The following VPS13D variants were observed in gnomAD, a reference collection of about 807,000 sequenced individuals.
VPS13D encodes vacuolar protein sorting 13 homolog D, also known as intermembrane lipid transfer protein VPS13D.
Under a neutral mutation model 461.9 loss-of-function variants are expected in VPS13D, and 187 were observed. The ratio of observed to expected loss-of-function variants is 0.40; its 90% CI spans 0.36 to 0.46. The LOEUF is 0.46. Ranked by LOEUF, VPS13D falls within the 20% of genes least tolerant of loss-of-function variation. The pLI is 0.60. For synonymous variants in VPS13D, 1,951 were observed against 1,986.3 expected, an observed-to-expected ratio of 0.98 and a Z score of 0.47; for missense variants, 4,711 against 5,364.9, an observed-to-expected ratio of 0.88 and a Z score of 3.81.
intron 60 of VPS13D, among the ~76,000 whole-genome samples, chr1:12,396,816 T>C (rs1434278205): frequency 1.3e-5 from 2 of 152,252 alleles, no homozygotes; most frequent in East Asian, 3.8e-4. Context: ...GTTAATATCT[T>C]GCAGCTATTT....
At chr1:12,234,678 G>A (rs2101174350) in intron 2 of VPS13D, among the ~76,000 whole-genome samples, 1 of 152,292 alleles carries the variant, frequency 6.6e-6, no homozygotes, top group South Asian at 2.1e-4. Context: ...TACCGACAGT[G>A]GCATTGACTT....
intron 65 of VPS13D, among the ~76,000 whole-genome samples, chr1:12,438,506 A>G (rs139548047): frequency 2.0e-5 from 3 of 152,348 alleles, no homozygotes; most frequent in Admixed American, 1.3e-4. Context: ...GAGACAGCAC[A>G]TAACACAGAA....
chr1:12,300,931 C>T (rs1289698898), intron 25 of VPS13D, among the ~76,000 whole-genome samples: 4 of 152,124 alleles, frequency 2.6e-5, no homozygotes, highest in Non-Finnish European at 5.9e-5. Context: ...CTTGCAAACT[C>T]GTTTTAGTGT....
chr1:12,485,299 A>G (rs944086641), intron 67 of VPS13D, among the ~76,000 whole-genome samples: 1 of 152,220 alleles, frequency 6.6e-6, no homozygotes, highest in Non-Finnish European at 1.5e-5. Flanking sequence ...GCAGTGACCC[A>G]CCAGCTTGCA....
intron 29 of VPS13D, among the ~76,000 whole-genome samples, chr1:12,312,274 C>T (rs60084055): frequency 1.3e-5 from 2 of 152,044 alleles, no homozygotes; most frequent in Non-Finnish European, 2.9e-5. Context: ...GATGTGCCAG[C>T]GGGAAAAATG....
Position 12,293,669 on chromosome 1 carries a change from T to C in VPS13D, c.5998T>C (p.Leu2000=). The stretch of plus-strand genomic sequence containing the variant: ...GCATTTCACTCAGCTGCAGGATGTC[T>C]TAGGGCGCCAGCGAGCTGCTATTGA... ...IQHFTQLQDV[L]GRQRAAIEGQ... is the part of the protein sequence containing the mutation. The change falls in exon 24 of 70, where the codon TTA becomes CTA. Residue 2000 remains leucine, a synonymous_variant. Transcript: ENST00000620676. 6.8e-6 allele frequency: 11 copies of C among 1,614,112 alleles called. No homozygotes were observed. Among genetic ancestry groups the C allele is most frequent in the Non-Finnish European group, 9.3e-6 (11 of 1,180,000 alleles).
At chr1:12,332,484 G>C (rs1643356310) in intron 37 of VPS13D, among the ~76,000 whole-genome samples, 2 of 152,114 alleles carry the variant, frequency 1.3e-5, no homozygotes, top group South Asian at 4.2e-4. Flanking sequence ...ATGCGCATGG[G>C]GATTCCATTT....
chr1:12,395,528 ACT>A (rs1644483641), intron 60 of VPS13D, among the ~76,000 whole-genome samples: 2 of 151,970 alleles, frequency 1.3e-5, no homozygotes, highest in Admixed American at 6.6e-5. Flanking sequence ...AGGAGATAAG[ACT>A]CTCACTTAGG....
At chr1:12,328,697 T>C (rs1463039394) in intron 36 of VPS13D, among the ~76,000 whole-genome samples, 18 of 152,106 alleles carry the variant, frequency 1.2e-4, no homozygotes, top group Admixed American at 1.2e-3. Flanking sequence ...TGTGCCACCA[T>C]GCCTGGCTAA....
intron 63 of VPS13D, among the ~76,000 whole-genome samples, chr1:12,406,273 CAA>C (rs1454126911): frequency 6.6e-6 from 1 of 151,472 alleles, no homozygotes; most frequent in Non-Finnish European, 1.5e-5. Context: ...GTCATTTATT[CAA>C]AGAGTTTTCT....
chr1:12,338,964 T>A (rs892561409), intron 40 of VPS13D, among the ~76,000 whole-genome samples: 3 of 152,226 alleles, frequency 2.0e-5, no homozygotes, highest in African/African-American at 7.2e-5. Context: ...TGCAGTTTAA[T>A]CTGAATGATT....
intron 62 of VPS13D, 48 bp downstream of exon 62, chr1:12,401,752 G>A: frequency 6.6e-7 from 1 of 1,514,206 alleles, no homozygotes; most frequent in Non-Finnish European, 9.1e-7. Flanking sequence ...GTCCAAAGAT[G>A]GTATTTTTGA....
At position 12,283,525 on chromosome 1, in the gene VPS13D, G is replaced by A. The variant is rs563815284; in HGVS notation, c.5423G>A (p.Arg1808Gln). 1.7e-5 allele frequency: 27 copies of A among 1,614,188 alleles called. No individual in the cohort carries two copies. The highest frequency in any genetic ancestry group is 1.6e-4 in the Middle Eastern group (1 of 6,062). ...TCTTCCAGTTACAATCGAGTTAACC[G>A]GAGCATTGATGTTGATTTTAATTGC... ...EFSSSYNRVN[R>Q]SIDVDFNCLD... The change falls in exon 21 of 70, where the codon CGG (arginine) becomes CAG (glutamine). Residue 1808 changes from arginine (R) to glutamine (Q), a missense_variant. Arg to Gln is a conservative substitution (Grantham distance 43). This residue lies in a region of VPS13D where 4,411 missense variants were observed against 4,937.8 expected (regional missense o/e 0.89). Coordinates refer to ENST00000620676, the MANE Select transcript of VPS13D (RefSeq NM_015378.4).
Position 12,293,682 on chromosome 1 carries a change from G to A in VPS13D, c.6011G>A (p.Arg2004Gln), listed in dbSNP as rs1320738757. Residue 2004 changes from arginine to glutamine, a missense_variant, in exon 24 of 70, where the codon CGA becomes CAA. Arg to Gln is a conservative substitution (Grantham distance 43). Transcript: ENST00000620676. ...CTGCAGGATGTCTTAGGGCGCCAGC[G>A]AGCTGCTATTGAGGGGCAGACGGTA... Reference protein sequence around the residue: ...TQLQDVLGRQRAAIEGQTVRD... With the variant: ...TQLQDVLGRQQAAIEGQTVRD... 3.4e-5 allele frequency: 55 copies of A among 1,613,734 alleles called. No individual in the cohort carries two copies. Among genetic ancestry groups the A allele is most frequent in the Non-Finnish European group, 4.4e-5 (52 of 1,179,970 alleles).
chr1:12,280,817 T>C (rs1641754961), intron 20 of VPS13D, among the ~76,000 whole-genome samples: 2 of 152,168 alleles, frequency 1.3e-5, no homozygotes, highest in African/African-American at 4.8e-5. Context: ...TGGTTACCAT[T>C]GACTTAACTG....
rs375594413 is a variant in VPS13D, at chr1:12,363,884, C to T, written c.10448+637C>T. 1.3e-4 allele frequency among the ~76,000 whole-genome samples: 16 copies of T among 122,482 alleles called. No homozygotes were observed. In the East Asian group the frequency reaches 2.6e-3, roughly 20 times the overall value. 80.4% of individuals were successfully genotyped at this position (122,482 alleles called of 152,430 possible). ...AGGAGAATCGCCTGAATCGGGGAGG[C>T]GGAGGTTGTGGTGAGCTCAGATCAC... is the stretch of plus-strand genomic sequence containing the variant. On this transcript the variant is annotated intron_variant, in intron 52 of 69. Coordinates refer to ENST00000620676, the MANE Select transcript of VPS13D (RefSeq NM_015378.4).
intron 21 of VPS13D, among the ~76,000 whole-genome samples, chr1:12,287,151 G>T (rs1344599742): frequency 6.6e-6 from 1 of 152,122 alleles, no homozygotes; most frequent in Non-Finnish European, 1.5e-5. Flanking sequence ...GTGAGCCACT[G>T]CATCCAGCTG....
chr1:12,294,527 C>A (rs1228275725), intron 24 of VPS13D, among the ~76,000 whole-genome samples: 2 of 152,140 alleles, frequency 1.3e-5, no homozygotes, highest in Admixed American at 1.3e-4. Flanking sequence ...TTAAAATGTC[C>A]TGGCAGCCGG....
chr1:12,406,212 A>G (rs1644652759), intron 63 of VPS13D, among the ~76,000 whole-genome samples: 1 of 152,172 alleles, frequency 6.6e-6, no homozygotes. Flanking sequence ...TGGGAGTCAC[A>G]TTTTACTGTG....
Sources: gnomAD v4.1 joint callset for allele counts (sites outside exome capture counted in the v4.1 genomes callset) on GRCh38, gnomAD v4.1.1 for gene constraint, gnomAD v4.1.1 regional missense constraint, MANE v1.5 for transcripts, NCBI Gene and HGNC (gene_info 2026-07-23, HGNC 2026-07-21) for gene names.